The following TSPAN11 variants were observed in gnomAD, a reference collection of about 807,000 sequenced individuals.
The protein encoded by TSPAN11 is tetraspanin 11, also known as tetraspanin-11.
Under a neutral mutation model 32.9 loss-of-function variants are expected in TSPAN11, and 29 were observed. That is an observed-to-expected ratio of 0.88 (90% CI 0.66 to 1.20). The LOEUF is 1.20. Among genes scored for constraint, TSPAN11 ranks in the 50% most tolerant of loss-of-function variants. The probability of loss-of-function intolerance (pLI) is 0.00; values close to 1 mark genes in which losing one functional copy is unlikely to be tolerated. For missense variants in TSPAN11, 283 were observed against 329.1 expected (o/e 0.86, Z 1.08); for synonymous variants, 140 against 141.3 (o/e 0.99, Z 0.07).
the TSPAN11 span, among the ~76,000 whole-genome samples, chr12:31,005,373 G>A: frequency 6.6e-6 from 1 of 152,190 alleles, no homozygotes; most frequent in Non-Finnish European, 1.5e-5. Context: ...ACGGACAGCA[G>A]CAGCCTCCGC....
chr12:30,940,819 CA>C (rs1938145002), intron 1 of TSPAN11, among the ~76,000 whole-genome samples: 1 of 152,202 alleles, frequency 6.6e-6, no homozygotes, highest in Non-Finnish European at 1.5e-5. Context: ...AGGTGAGTGG[CA>C]GGTGAACGAG....
chr12:31,009,572 C>T, the TSPAN11 span, among the ~76,000 whole-genome samples: 12 of 152,220 alleles, frequency 7.9e-5, no homozygotes, highest in East Asian at 1.9e-4. Flanking sequence ...GTTTTCAGCC[C>T]GGCAACAGAA....
At chr12:30,940,274 C>T (rs1049402933) in intron 1 of TSPAN11, among the ~76,000 whole-genome samples, 12 of 152,350 alleles carry the variant, frequency 7.9e-5, no homozygotes, top group African/African-American at 2.9e-4. Flanking sequence ...TCAAAGAGTT[C>T]ATGAGTGTTC....
chr12:30,978,419 G>A (rs1212292958), intron 3 of TSPAN11, 142 bp from the exon 4 acceptor site: 9 of 785,074 alleles, frequency 1.1e-5, no homozygotes, highest in Non-Finnish European at 1.9e-5. Flanking sequence ...AGCAGCCAGT[G>A]AGGCTGGTAC....
At chr12:30,935,619 G>C (rs1938030221) in intron 1 of TSPAN11, among the ~76,000 whole-genome samples, 1 of 152,072 alleles carries the variant, frequency 6.6e-6, no homozygotes, top group Admixed American at 6.6e-5. Context: ...CCTGACCTCA[G>C]GTGATCCACC....
intron 5 of TSPAN11, among the ~76,000 whole-genome samples, chr12:30,981,134 G>A (rs552059059): frequency 3.3e-5 from 5 of 152,310 alleles, no homozygotes; most frequent in South Asian, 4.1e-4. Context: ...TGTCACTGAC[G>A]AAGACCTGCA....
chr12:31,001,854 G>T, the TSPAN11 span, among the ~76,000 whole-genome samples: 1 of 152,130 alleles, frequency 6.6e-6, no homozygotes, highest in Admixed American at 6.5e-5. Flanking sequence ...TACAGCCAGG[G>T]CAGCCTGTCT....
chr12:30,991,085 G>A (rs1003975373), intron 7 of TSPAN11, among the ~76,000 whole-genome samples: 4 of 152,180 alleles, frequency 2.6e-5, no homozygotes, highest in African/African-American at 7.2e-5. Context: ...CGGTGTGCAG[G>A]GTGATCCTCC....
intron 1 of TSPAN11, among the ~76,000 whole-genome samples, chr12:30,944,958 G>C (rs571860421): frequency 6.6e-6 from 1 of 152,148 alleles, no homozygotes; most frequent in Non-Finnish European, 1.5e-5. Context: ...TGGAGAAAGG[G>C]AGGAAAGTCA....
chr12:30,990,272 T>C (rs1010918722), intron 7 of TSPAN11, among the ~76,000 whole-genome samples: 1 of 152,194 alleles, frequency 6.6e-6, no homozygotes, highest in African/African-American at 2.4e-5. Context: ...GGAGCCTGTC[T>C]GCTGGGGAGT....
intron 7 of TSPAN11, among the ~76,000 whole-genome samples, chr12:30,985,814 T>C (rs1271128829): frequency 6.6e-6 from 1 of 152,210 alleles, no homozygotes; most frequent in Non-Finnish European, 1.5e-5. Context: ...AGTCTGATAT[T>C]GAAGAGGTCA....
At chr12:30,937,852 G>C (rs1340736018) in intron 1 of TSPAN11, among the ~76,000 whole-genome samples, 2 of 152,176 alleles carry the variant, frequency 1.3e-5, no homozygotes, top group East Asian at 3.8e-4. Flanking sequence ...GAGAACCACC[G>C]CTCTGAGGTG....
At chr12:30,960,774 C>T (rs1938596397) in intron 2 of TSPAN11, among the ~76,000 whole-genome samples, 2 of 151,972 alleles carry the variant, frequency 1.3e-5, no homozygotes, top group Non-Finnish European at 2.9e-5. Flanking sequence ...CGCGCTGGCT[C>T]ACACCTGTAA....
Position 30,954,057 on chromosome 12 carries a change from C to G in TSPAN11, c.66C>G (p.Val22=). The G allele has an allele frequency of 6.2e-7, 1 of 1,613,450 alleles. No homozygotes were observed. Among genetic ancestry groups the G allele is most frequent in the Non-Finnish European group, 8.5e-7 (1 of 1,179,630 alleles). Residue 22 remains valine, a synonymous_variant, in exon 2 of 8, where the codon GTC becomes GTG. Coordinates refer to ENST00000546076, the MANE Select transcript of TSPAN11 (RefSeq NM_001370302.1). ...LIIYLKYLLF[V]FNFFFWVGGA... is the part of the protein sequence containing the mutation. Reference sequence around the variant, plus strand: ...TCTACTTGAAGTATTTACTCTTTGTCTTCAACTTCTTCTTCTGGGTGAGTG... The same window carrying G: ...TCTACTTGAAGTATTTACTCTTTGTGTTCAACTTCTTCTTCTGGGTGAGTG...
rs774978517 is a variant in TSPAN11, at chr12:30,982,584, T to C, written c.509T>C (p.Ile170Thr). The C allele has an allele frequency of 1.9e-6, 3 of 1,613,074 alleles. No homozygotes were observed. Among genetic ancestry groups the C allele is most frequent in the Non-Finnish European group, 2.5e-6 (3 of 1,179,788 alleles). The change falls in exon 6 of 8, where the codon ATC becomes ACC. Residue 170 changes from isoleucine (I) to threonine (T), a missense_variant. Ile to Thr is a moderately conservative substitution (Grantham distance 89). Coordinates refer to ENST00000546076, the MANE Select transcript of TSPAN11 (RefSeq NM_001370302.1). ...SSADWQHSTY[I>T]LLREAEGRQV... ...GCCGACTGGCAGCACAGCACGTACA[T>C]CCTGTTGCGGGAGGCCGAGGGCCGC...
At chr12:31,008,702 T>C in the TSPAN11 span, among the ~76,000 whole-genome samples, 1 of 152,238 alleles carries the variant, frequency 6.6e-6, no homozygotes, top group African/African-American at 2.4e-5. Context: ...ACGCTTTCTT[T>C]TGGCAGGGAG....
chr12:31,012,204 G>A, the TSPAN11 span, among the ~76,000 whole-genome samples: 5 of 152,196 alleles, frequency 3.3e-5, no homozygotes, highest in Non-Finnish European at 7.3e-5. Context: ...GCTGTGCACC[G>A]CTATTTTGGC....
chr12:30,948,867 C>T (rs1057302265), intron 1 of TSPAN11, among the ~76,000 whole-genome samples: 5 of 152,202 alleles, frequency 3.3e-5, no homozygotes, highest in Non-Finnish European at 7.3e-5. Flanking sequence ...ATTTCCCAAA[C>T]TCTCATGCTC....
chr12:30,968,035 T>C (rs1227120355), intron 3 of TSPAN11, among the ~76,000 whole-genome samples: 1 of 152,146 alleles, frequency 6.6e-6, no homozygotes. Context: ...TCAAGTGGTG[T>C]GGTTAAGGCA....
Sources: allele counts gnomAD v4.1 joint callset (sites outside exome capture counted in the v4.1 genomes callset), GRCh38; gene constraint gnomAD v4.1.1; transcripts MANE v1.5; gene names NCBI Gene and HGNC (gene_info 2026-07-23, HGNC 2026-07-21).